VHL: variants seen among roughly 807,000 people sequenced by gnomAD.
The protein encoded by VHL is von Hippel-Lindau tumor suppressor, also known as von Hippel-Lindau disease tumor suppressor.
Under a neutral mutation model 19.2 loss-of-function variants are expected in VHL, and 10 were observed. The ratio of observed to expected loss-of-function variants is 0.52; its 90% confidence interval spans 0.32 to 0.89. The LOEUF is 0.89. VHL is among the 40% of genes least tolerant of loss of function. The pLI, the probability that VHL is intolerant of heterozygous loss-of-function variation, is 0.03. For missense variants in VHL, 328 were observed against 292.7 expected (o/e 1.12, Z -0.88); for synonymous variants, 167 against 129.5 (o/e 1.29, Z -1.97).
In VHL at chr3:10,142,341, C is replaced by CTT. The variant is rs556405301; in HGVS notation, c.340+173_340+174dup. Among the ~76,000 whole-genome samples, 19,898 of 107,934 alleles carry CTT rather than the reference C, an allele frequency of 0.18. 2,865 individuals carry two copies. Among genetic ancestry groups the CTT allele is most frequent in the African/African-American group, 0.28 (7,609 of 26,942 alleles). 70.8% of individuals were successfully genotyped at this position (107,934 alleles called of 152,430 possible). A position where few individuals can be genotyped will look rare whatever the true frequency, so the allele number is the denominator to read the frequency against. On this transcript the variant is annotated intron_variant, in intron 1 of 2. Transcript: ENST00000256474. The stretch of plus-strand genomic sequence containing the variant: ...CGCTGCTCGTAAGCGTCAGAGCATT[C>CTT]TTTTTTTTTTTTTTTTTTTTCTGAG...
At chr3:10,147,373 T>TTA (rs1553620090) in intron 2 of VHL, among the ~76,000 whole-genome samples, 34,649 of 146,866 alleles carry the variant, frequency 0.24, 5,275 homozygotes, top group East Asian at 0.66. Context: ...TTTTTTTTTT[T>TTA]ATTTTTATTT....
rs1252338161 is a variant in VHL, at chr3:10,141,993, G to T, written c.146G>T (p.Gly49Val). 1 of 1,575,338 alleles carries T rather than the reference G, an allele frequency of 6.3e-7. No individual in the cohort carries two copies. The change falls in exon 1 of 3, where the codon GGC (glycine) becomes GTC (valine). Residue 49 changes from glycine to valine, a missense_variant. Coordinates refer to ENST00000256474, the MANE Select transcript of VHL (RefSeq NM_000551.4). ...GAAGAGTCCGGCCCGGAGGAACTGG[G>T]CGCCGAGGAGGAGATGGAGGCCGGG... ...GPEESGPEEL[G>V]AEEEMEAGRP...
Position 10,150,304 on chromosome 3 carries a change from G to A in VHL, c.*339G>A, listed in dbSNP as rs1237953967. 16 of 1,273,022 alleles carry A rather than the reference G, an allele frequency of 1.3e-5. No homozygotes were observed. The highest frequency in any genetic ancestry group is 1.5e-5 in the Non-Finnish European group (15 of 996,528). The allele number at this position is 1,273,022 out of a possible 1,614,324, so 78.9% of individuals were successfully genotyped here. On this transcript the variant is annotated 3_prime_UTR_variant, in exon 3 of 3. Coordinates refer to ENST00000256474, the MANE Select transcript of VHL (RefSeq NM_000551.4). ...ATTGCAGCATATCGTTTAATTTTAAGAAGGCATTGGCATCTGCTTTTAATG... is the reference window on the plus strand; with the variant it reads ...ATTGCAGCATATCGTTTAATTTTAAAAAGGCATTGGCATCTGCTTTTAATG...
chr3:10,148,736 T>A (rs1394219861), intron 2 of VHL, among the ~76,000 whole-genome samples: 1 of 150,190 alleles, frequency 6.7e-6, no homozygotes, highest in Non-Finnish European at 1.5e-5. Context: ...TGGAGTGCAG[T>A]GGCGTGTGAT....
At chr3:10,145,375 T>C (rs1696229770) in intron 1 of VHL, among the ~76,000 whole-genome samples, 1 of 152,100 alleles carries the variant, frequency 6.6e-6, no homozygotes, top group South Asian at 2.1e-4. Context: ...GGCTGGAGGA[T>C]TGCTTCCTGC....
Position 10,150,257 on chromosome 3 carries a change from T to TTA in VHL, c.*293_*294insAT. On this transcript the variant is annotated 3_prime_UTR_variant, in exon 3 of 3. Coordinates refer to ENST00000256474, the MANE Select transcript of VHL (RefSeq NM_000551.4). ...CAGGACAGCTTGTATGTAAGGAGGT[T>TTA]TGTATAAGTAATTCAGTGGGAATTG... 1 of 1,319,738 alleles carries TTA rather than the reference T, an allele frequency of 7.6e-7. No individual in the cohort carries two copies. The highest frequency in any genetic ancestry group is 9.7e-7 in the Non-Finnish European group (1 of 1,026,980). 81.8% of individuals were successfully genotyped at this position (1,319,738 alleles called of 1,614,324 possible).
At chr3:10,148,124 C>G in intron 2 of VHL, among the ~76,000 whole-genome samples, 1 of 151,636 alleles carries the variant, frequency 6.6e-6, no homozygotes, top group East Asian at 1.9e-4. Flanking sequence ...CTCAAAAACC[C>G]CCCAAATACA....
Position 10,146,444 on chromosome 3 carries a change from G to A in VHL, c.341-70G>A, listed in dbSNP as rs1696258155. The A allele has an allele frequency of 3.1e-6, 5 of 1,603,664 alleles. No homozygotes were observed. The South Asian group carries it at 4.4e-5, about 14-fold the overall frequency. On this transcript the variant is annotated intron_variant, in intron 1 of 2. Transcript: ENST00000256474. ...CTGCCTCGGCCTCCCAAAGTGCTGG[G>A]ATTACAGGTGTGGGCCACCGTGCCC...
At chr3:10,149,242 C>G (rs550082866) in intron 2 of VHL, among the ~76,000 whole-genome samples, 2 of 151,544 alleles carry the variant, frequency 1.3e-5, no homozygotes, top group East Asian at 3.9e-4. Context: ...CCTCCCCAGT[C>G]GCTGGGACCA....
At chr3:10,149,661 C>A in intron 2 of VHL, 126 bp from the exon 3 acceptor site, 1 of 817,984 alleles carries the variant, frequency 1.2e-6, no homozygotes, top group Non-Finnish European at 2.0e-6. Flanking sequence ...TACATGCACT[C>A]ACTTTTTTTC....
chr3:10,146,985 A>C (rs894974805), intron 2 of VHL, among the ~76,000 whole-genome samples: 1 of 152,060 alleles, frequency 6.6e-6, no homozygotes, highest in Non-Finnish European at 1.5e-5. Context: ...AGCATGAGAT[A>C]TTTTGGCTTA....
chr3:10,147,330 C>G (rs755284621), intron 2 of VHL, among the ~76,000 whole-genome samples: 38 of 149,120 alleles, frequency 2.5e-4, no homozygotes, highest in Non-Finnish European at 5.2e-4. Context: ...CAATTTAACA[C>G]AATCAAGCTC....
Position 10,153,340 on chromosome 3 carries a change from A to G in VHL, c.*3375A>G, listed in dbSNP as rs1037548301. Among the ~76,000 whole-genome samples, 3 of 152,022 alleles carry G rather than the reference A, an allele frequency of 2.0e-5. No individual in the cohort carries two copies. The highest frequency in any genetic ancestry group is 4.4e-5 in the Non-Finnish European group (3 of 67,998). ...GCGGTGGGCGCCTGTGAGGCAGGCG[A>G]ATCTCTTGAACCCGGGAGGCGGAGG... On this transcript the variant is annotated 3_prime_UTR_variant, in exon 3 of 3. Transcript: ENST00000256474.
chr3:10,146,056 T>C (rs1696247276), intron 1 of VHL, among the ~76,000 whole-genome samples: 2 of 152,098 alleles, frequency 1.3e-5, no homozygotes, highest in Admixed American at 6.6e-5. Flanking sequence ...GAGGACTGAC[T>C]GAGATAATGT....
At position 10,141,894 on chromosome 3, in the gene VHL, A is replaced by T. The variant is rs864622379; in HGVS notation, c.47A>T (p.Glu16Val). The change falls in exon 1 of 3, where the codon GAG (glutamate) becomes GTG (valine). Residue 16 changes from glutamate to valine, a missense_variant. Coordinates refer to ENST00000256474, the MANE Select transcript of VHL (RefSeq NM_000551.4). ...ENWDEAEVGA[E>V]EAGVEEYGPE... Reference sequence around the variant, plus strand: ...TGGGACGAGGCCGAGGTAGGCGCGGAGGAGGCAGGCGTCGAAGAGTACGGC... The same window carrying T: ...TGGGACGAGGCCGAGGTAGGCGCGGTGGAGGCAGGCGTCGAAGAGTACGGC... 6.5e-7 allele frequency: 1 copy of T among 1,532,776 alleles called. No homozygotes were observed. Among genetic ancestry groups the T allele is most frequent in the Non-Finnish European group, 8.8e-7 (1 of 1,137,434 alleles). The allele number at this position is 1,532,776 out of a possible 1,614,324, so 94.9% of individuals were successfully genotyped here. A position where few individuals can be genotyped will look rare whatever the true frequency, so the allele number is the denominator to read the frequency against.
intron 1 of VHL, among the ~76,000 whole-genome samples, chr3:10,144,496 C>T (rs115711469): frequency 1.4e-4 from 16 of 116,606 alleles, no homozygotes; most frequent in South Asian, 2.8e-4. Context: ...TCTATCTTGT[C>T]TTTTTTTTTT....
rs1235280756 is a variant in VHL, at chr3:10,153,049, G to A, written c.*3084G>A. The stretch of plus-strand genomic sequence containing the variant: ...CCCAGCACTTTGGGAGGCCTAGGCG[G>A]GTGGATCACGAGGTCAGGAAATCGA... On this transcript the variant is annotated 3_prime_UTR_variant, in exon 3 of 3. Coordinates refer to ENST00000256474, the MANE Select transcript of VHL (RefSeq NM_000551.4). 3.9e-5 allele frequency among the ~76,000 whole-genome samples: 6 copies of A among 152,016 alleles called. No homozygotes were observed. Among genetic ancestry groups the A allele is most frequent in the Non-Finnish European group, 8.8e-5 (6 of 67,996 alleles).
chr3:10,148,682 C>CTT (rs35862660), intron 2 of VHL, among the ~76,000 whole-genome samples: 3,548 of 138,800 alleles, frequency 0.026, 179 homozygotes, highest in African/African-American at 0.084. Flanking sequence ...TAATAACCAC[C>CTT]TTTTTTTTTT....
In VHL at chr3:10,151,904, A is replaced by G. The variant is rs1305665123; in HGVS notation, c.*1939A>G. On this transcript the variant is annotated 3_prime_UTR_variant, in exon 3 of 3. Coordinates refer to ENST00000256474, the MANE Select transcript of VHL (RefSeq NM_000551.4). ...CATAGTGAGAACCCATCTATACAAA[A>G]AATTTTTAAAAATTAGCATGGCGGC... is the stretch of plus-strand genomic sequence containing the variant. 1.6e-5 allele frequency: 3 copies of G among 183,578 alleles called. No homozygotes were observed. The highest frequency in any genetic ancestry group is 6.3e-5 in the Admixed American group (1 of 15,962). The allele number at this position is 183,578 out of a possible 1,614,324, so 11.4% of individuals were successfully genotyped here.
Sources: allele counts gnomAD v4.1 joint callset (sites outside exome capture counted in the v4.1 genomes callset), GRCh38; gene constraint gnomAD v4.1.1; transcripts MANE v1.5; gene names NCBI Gene and HGNC (gene_info 2026-07-23, HGNC 2026-07-21).